GRAMD2B: variants seen among roughly 807,000 people sequenced by gnomAD.
GRAMD2B encodes the protein GRAM domain containing 2B, also known as GRAM domain-containing protein 2B.
Under a neutral mutation model 59.2 loss-of-function variants are expected in GRAMD2B, and 41 were observed. The ratio of observed to expected loss-of-function variants is 0.69; its 90% CI spans 0.54 to 0.90. GRAMD2B has a LOEUF of 0.90. Ranked by LOEUF, GRAMD2B falls within the 40% of genes least tolerant of loss-of-function variation. The probability of loss-of-function intolerance (pLI) is 0.00; values close to 1 mark genes in which losing one functional copy is unlikely to be tolerated. For synonymous variants in GRAMD2B, 161 were observed against 182.7 expected, an observed-to-expected ratio of 0.88 and a Z score of 0.96; for missense variants, 424 against 500.5, an observed-to-expected ratio of 0.85 and a Z score of 1.46.
At position 126,465,450 on chromosome 5, in the gene GRAMD2B, G is replaced by A; in HGVS notation, c.108G>A (p.Glu36=). ...SAHSEAENGV[E]EKKKACRSPT... Reference sequence around the variant, plus strand: ...GCTCAGAGGCTGAGAATGGTGTGGAGGAGAAAAAGAAAGCCTGCAGGTCGC... The same window carrying A: ...GCTCAGAGGCTGAGAATGGTGTGGAAGAGAAAAAGAAAGCCTGCAGGTCGC... The change falls in exon 2 of 14, where the codon GAG becomes GAA. Residue 36 remains glutamate (E), a synonymous_variant. Coordinates refer to ENST00000285689, the MANE Select transcript of GRAMD2B (RefSeq NM_023927.4). The A allele has an allele frequency of 2.5e-6, 4 of 1,614,134 alleles. No homozygotes were observed. Among genetic ancestry groups the A allele is most frequent in the Non-Finnish European group, 3.4e-6 (4 of 1,180,010 alleles).
chr5:126,452,255 C>T (rs1388794790), intron 1 of GRAMD2B, among the ~76,000 whole-genome samples: 1 of 152,056 alleles, frequency 6.6e-6, no homozygotes, highest in African/African-American at 2.4e-5. Flanking sequence ...TTGTTGGATC[C>T]TCATGTGGTG....
Position 126,360,377 on chromosome 5 carries a change from C to T in GRAMD2B, c.46C>T (p.Gln16Ter). ...CCTACAAGCAAAAAGGAGCATTCAGCAAACATTCCAAGCACAGCTTATGCC... is the reference window on the plus strand; with the variant it reads ...CCTACAAGCAAAAAGGAGCATTCAGTAAACATTCCAAGCACAGCTTATGCC... The change falls in exon 1 of 14, where the codon CAA becomes TAA. Residue 16 changes from glutamine to a stop codon, truncating the protein, a stop_gained. Transcript: ENST00000513040. LOFTEE classifies it high-confidence loss of function. 6.4e-7 allele frequency: 1 copy of T among 1,551,360 alleles called. No homozygotes were observed. Among genetic ancestry groups the T allele is most frequent in the Admixed American group, 2.0e-5 (1 of 51,002 alleles).
chr5:126,362,272 A>T (rs1554069470), intron 1 of GRAMD2B, among the ~76,000 whole-genome samples: 1 of 152,162 alleles, frequency 6.6e-6, no homozygotes, highest in Non-Finnish European at 1.5e-5. Context: ...GCTACACTTC[A>T]CTGTTTTAAA....
chr5:126,489,026 G>T, intron 13 of GRAMD2B, 134 bp downstream of exon 13: 1 of 515,854 alleles, frequency 1.9e-6, no homozygotes, highest in Non-Finnish European at 3.5e-6. Flanking sequence ...CCTGGCTAGG[G>T]GCTTTTTATA....
chr5:126,423,248 A>G, upstream of GRAMD2B: 1 of 1,097,388 alleles, frequency 9.1e-7, no homozygotes, highest in Non-Finnish European at 1.1e-6. Flanking sequence ...CTTCTTAGGC[A>G]AATGTTCCAC....
intron 1 of GRAMD2B, among the ~76,000 whole-genome samples, chr5:126,427,273 T>A (rs1266253708): frequency 6.6e-6 from 1 of 152,220 alleles, no homozygotes; most frequent in Non-Finnish European, 1.5e-5. Context: ...ACCCCTACCC[T>A]TGACACACAT....
At chr5:126,428,879 A>G (rs1761063869) in intron 1 of GRAMD2B, among the ~76,000 whole-genome samples, 1 of 152,216 alleles carries the variant, frequency 6.6e-6, no homozygotes, top group Non-Finnish European at 1.5e-5. Flanking sequence ...TAGAAAGTCA[A>G]AAAAATAACA....
At chr5:126,379,173 G>T (rs1755451117) in intron 1 of GRAMD2B, among the ~76,000 whole-genome samples, 1 of 151,716 alleles carries the variant, frequency 6.6e-6, no homozygotes, top group Non-Finnish European at 1.5e-5. Context: ...TTTCCATTCC[G>T]AGTTATTTCA....
chr5:126,375,671 C>G (rs1755125007), intron 1 of GRAMD2B, among the ~76,000 whole-genome samples: 1 of 152,124 alleles, frequency 6.6e-6, no homozygotes, highest in African/African-American at 2.4e-5. Context: ...CGCCCGGCCA[C>G]TCCTTTAAAT....
chr5:126,475,429 A>C (rs758335066), intron 5 of GRAMD2B, among the ~76,000 whole-genome samples: 1 of 152,198 alleles, frequency 6.6e-6, no homozygotes, highest in Non-Finnish European at 1.5e-5. Flanking sequence ...TCATTTTTTA[A>C]AAATCATCAT....
chr5:126,370,440 G>T (rs1375273630), upstream of GRAMD2B, among the ~76,000 whole-genome samples: 3 of 152,164 alleles, frequency 2.0e-5, no homozygotes, highest in Admixed American at 1.3e-4. Flanking sequence ...ATCACAAGGG[G>T]AACAAGGAGA....
intron 1 of GRAMD2B, among the ~76,000 whole-genome samples, chr5:126,416,828 G>C (rs1218405707): frequency 6.6e-6 from 1 of 152,156 alleles, no homozygotes; most frequent in Non-Finnish European, 1.5e-5. Flanking sequence ...ACCTCTCAAA[G>C]AAGCCTCCCT....
intron 1 of GRAMD2B, among the ~76,000 whole-genome samples, chr5:126,425,450 C>T (rs541806951): frequency 6.6e-6 from 1 of 152,196 alleles, no homozygotes; most frequent in Non-Finnish European, 1.5e-5. Context: ...CATGTTCTCA[C>T]TTAAGTGTGA....
rs774487719 is a variant in GRAMD2B at position 126,465,557 on chromosome 5, G to A, written c.203+12G>A. 1.0e-4 allele frequency: 162 copies of A among 1,610,460 alleles called. No individual in the cohort carries two copies. The highest frequency in any genetic ancestry group is 3.6e-4 in the East Asian group (16 of 44,856). On this transcript the variant is annotated intron_variant, in intron 2 of 13. Coordinates refer to ENST00000285689, the MANE Select transcript of GRAMD2B (RefSeq NM_023927.4). The stretch of plus-strand genomic sequence containing the variant: ...ATCATTAGCCTATGGTAAGTCCTCC[G>A]TTGACTCTCTTTGTTCTCTTTTGTC...
At chr5:126,483,411 C>A in intron 8 of GRAMD2B, 52 bp from the exon 9 acceptor site, 3 of 1,112,790 alleles carry the variant, frequency 2.7e-6, no homozygotes, top group Non-Finnish European at 4.1e-6. Context: ...CAAAGGCCTG[C>A]CTGTTTACTA....
chr5:126,436,027 A>G (rs148341291), intron 1 of GRAMD2B, among the ~76,000 whole-genome samples: 3 of 152,326 alleles, frequency 2.0e-5, no homozygotes, highest in African/African-American at 7.2e-5. Context: ...TATAATACAA[A>G]TGGAGACCAA....
chr5:126,435,820 T>C (rs1464043748), intron 1 of GRAMD2B, among the ~76,000 whole-genome samples: 1 of 152,234 alleles, frequency 6.6e-6, no homozygotes, highest in Admixed American at 6.5e-5. Flanking sequence ...TCTTTATTTT[T>C]TTATTTCCTT....
chr5:126,439,126 T>C (rs1031677708), intron 1 of GRAMD2B, among the ~76,000 whole-genome samples: 1 of 152,134 alleles, frequency 6.6e-6, no homozygotes, highest in African/African-American at 2.4e-5. Flanking sequence ...TCCACCCACA[T>C]GGCCATTGAA....
chr5:126,422,488 C>T (rs757402308), upstream of GRAMD2B, among the ~76,000 whole-genome samples: 1 of 152,200 alleles, frequency 6.6e-6, no homozygotes, highest in Non-Finnish European at 1.5e-5. Context: ...CGTAAGCCAC[C>T]GTGCCTGGCC....
Sources: gnomAD v4.1 joint callset for allele counts (sites outside exome capture counted in the v4.1 genomes callset) on GRCh38, gnomAD v4.1.1 for gene constraint, MANE v1.5 for transcripts, NCBI Gene and HGNC (gene_info 2026-07-23, HGNC 2026-07-21) for gene names.